The following TRPM7 variants were observed in gnomAD, a reference collection of about 807,000 sequenced individuals.
The protein encoded by TRPM7 is LTRPC ion channel family member 7.
In TRPM7, 134 loss-of-function variants were observed where a neutral mutation model predicts 229.7. The ratio of observed to expected loss-of-function variants is 0.58; its 90% confidence interval spans 0.51 to 0.67. The LOEUF is 0.67. TRPM7 is among the 30% of genes least tolerant of loss of function. The probability of loss-of-function intolerance (pLI) is 0.00; values close to 1 mark genes in which losing one functional copy is unlikely to be tolerated. For missense variants in TRPM7, 1,901 were observed against 2,210.0 expected, an observed-to-expected ratio of 0.86 and a Z score of 2.80; for synonymous variants, 699 against 715.2, an observed-to-expected ratio of 0.98 and a Z score of 0.36.
At chr15:50,568,476 A>G (rs2053718480) in intron 38 of TRPM7, among the ~76,000 whole-genome samples, 1 of 152,208 alleles carries the variant, frequency 6.6e-6, no homozygotes, top group Admixed American at 6.5e-5. Flanking sequence ...ACCAGCAATA[A>G]TAAAAAACAA....
chr15:50,609,100 G>A (rs1222473882), intron 19 of TRPM7, among the ~76,000 whole-genome samples: 2 of 152,046 alleles, frequency 1.3e-5, no homozygotes, highest in African/African-American at 2.4e-5. Context: ...AGGTAATCAA[G>A]CATACACTTT....
chr15:50,597,606 A>C (rs1196736145), intron 22 of TRPM7, among the ~76,000 whole-genome samples: 1 of 152,208 alleles, frequency 6.6e-6, no homozygotes, highest in African/African-American at 2.4e-5. Flanking sequence ...AATTAGAGTC[A>C]TATCATTAGA....
intron 7 of TRPM7, among the ~76,000 whole-genome samples, chr15:50,635,318 TAAAAAAAAAAAA>T (rs71124393): frequency 0.038 from 1,630 of 43,030 alleles, 57 homozygotes; most frequent in African/African-American, 0.15. Context: ...CTCCCTCACA[TAAAAAAAAAAAA>T]AAAAAAAAAA....
chr15:50,601,989 C>T (rs1316776353), intron 21 of TRPM7, among the ~76,000 whole-genome samples: 14 of 146,512 alleles, frequency 9.6e-5, no homozygotes, highest in Non-Finnish European at 1.6e-4. Flanking sequence ...ACTTTAAGTT[C>T]TAGGGTAAAG....
At chr15:50,582,030 T>G (rs1001475561) in intron 29 of TRPM7, among the ~76,000 whole-genome samples, 3 of 152,224 alleles carry the variant, frequency 2.0e-5, no homozygotes, top group African/African-American at 7.2e-5. Context: ...TGGCGCAATC[T>G]CGGCTCACTG....
At chr15:50,587,950 T>C (rs2059385235) in intron 27 of TRPM7, among the ~76,000 whole-genome samples, 1 of 152,184 alleles carries the variant, frequency 6.6e-6, no homozygotes, top group Admixed American at 6.5e-5. Flanking sequence ...TAGCACTTTT[T>C]CTCATTCCCG....
At chr15:50,585,668 T>C (rs2059323191) in intron 28 of TRPM7, among the ~76,000 whole-genome samples, 1 of 152,232 alleles carries the variant, frequency 6.6e-6, no homozygotes, top group African/African-American at 2.4e-5. Context: ...AATTTGGTCA[T>C]AATATGCATT....
chr15:50,638,553 A>T (rs1457265377), intron 6 of TRPM7, among the ~76,000 whole-genome samples: 1 of 152,028 alleles, frequency 6.6e-6, no homozygotes, highest in Non-Finnish European at 1.5e-5. Context: ...CCATTTCAAA[A>T]AAAAAAGACA....
chr15:50,659,124 G>A lies in TRPM7; in HGVS notation c.84-1305C>T, dbSNP rs140190035. On this transcript the variant is annotated intron_variant, in intron 2 of 38. Coordinates refer to ENST00000646667, the MANE Select transcript of TRPM7 (RefSeq NM_017672.6). The stretch of plus-strand genomic sequence containing the variant: ...GAGGAAAGAGAATGGCCTGAACCCA[G>A]GAGGCAGAGCTTGCAGTGAGACTAC... Among the ~76,000 whole-genome samples the A allele has an allele frequency of 7.2e-5, 11 of 152,132 alleles. No homozygotes were observed. The East Asian group carries it at 2.1e-3, about 29-fold the overall frequency.
At chr15:50,621,157 C>CAAAAAAAAAAAAAAAAAAAAAAA (rs35848629) in intron 12 of TRPM7, among the ~76,000 whole-genome samples, 1 of 51,828 alleles carries the variant, frequency 1.9e-5, no homozygotes, top group African/African-American at 6.2e-5. Flanking sequence ...GACTCCGTCT[C>CAAAAAAAAAAAAAAAAAAAAAAA]AAAAAAAAAA....
chr15:50,628,927 A>G lies in TRPM7; in HGVS notation c.1205-678T>C, dbSNP rs1269414716. Among the ~76,000 whole-genome samples, 7 of 152,152 alleles carry G rather than the reference A, an allele frequency of 4.6e-5. No homozygotes were observed. The East Asian group carries it at 1.3e-3, about 29-fold the overall frequency. On this transcript the variant is annotated intron_variant, in intron 10 of 38. Transcript: ENST00000646667. ...TATTCAAAAATGGGTTCATACTACA[A>G]AAGTGTTCAGTAGCTTGCTTTATGT... is the stretch of plus-strand genomic sequence containing the variant.
At chr15:50,684,300 C>T (rs913141726) in intron 1 of TRPM7, among the ~76,000 whole-genome samples, 2 of 151,790 alleles carry the variant, frequency 1.3e-5, no homozygotes, top group African/African-American at 4.8e-5. Flanking sequence ...TTACCACGCC[C>T]GATTACTGAT....
chr15:50,584,833 T>C (rs921712543), intron 28 of TRPM7, among the ~76,000 whole-genome samples: 8 of 152,036 alleles, frequency 5.3e-5, no homozygotes, highest in Non-Finnish European at 1.0e-4. Flanking sequence ...CTGAGAATTC[T>C]TTTTCTTCCC....
At chr15:50,679,580 G>C (rs534347524) in intron 1 of TRPM7, among the ~76,000 whole-genome samples, 8 of 126,842 alleles carry the variant, frequency 6.3e-5, no homozygotes, top group Non-Finnish European at 1.3e-4. Context: ...TTGTCACCCA[G>C]GCTGGGGTGC....
chr15:50,574,520 A>T, intron 35 of TRPM7, 41 bp from the exon 36 acceptor site: 1 of 1,570,424 alleles, frequency 6.4e-7, no homozygotes, highest in Non-Finnish European at 8.7e-7. Flanking sequence ...CAGTTTTGTT[A>T]ATAAAATTCT....
At chr15:50,603,407 G>A (rs952224909) in intron 21 of TRPM7, among the ~76,000 whole-genome samples, 2 of 151,712 alleles carry the variant, frequency 1.3e-5, no homozygotes, top group Non-Finnish European at 2.9e-5. Context: ...ATGTTGGTGT[G>A]CTGCACTCAT....
intron 31 of TRPM7, 100 bp from the exon 32 acceptor site, chr15:50,576,019 T>C (rs1402629978): frequency 1.6e-6 from 2 of 1,250,576 alleles, no homozygotes; most frequent in Admixed American, 2.2e-5. Flanking sequence ...ATTTCCATAG[T>C]GTAACTGTTC....
intron 1 of TRPM7, among the ~76,000 whole-genome samples, chr15:50,680,332 G>C (rs1033626652): frequency 6.6e-6 from 1 of 152,114 alleles, no homozygotes; most frequent in Non-Finnish European, 1.5e-5. Context: ...CTTGAGACCA[G>C]GAGTTCAAGG....
intron 1 of TRPM7, among the ~76,000 whole-genome samples, chr15:50,679,538 A>AATATATATATATATATATAT (rs2062195775): frequency 2.3e-5 from 1 of 43,904 alleles, no homozygotes; most frequent in African/African-American, 1.1e-4. Flanking sequence ...ATATATATAT[A>AATATATATATATATATATAT]TTTTTTTTTT....
Sources: allele counts gnomAD v4.1 joint callset (sites outside exome capture counted in the v4.1 genomes callset), GRCh38; gene constraint gnomAD v4.1.1; transcripts MANE v1.5; gene names NCBI Gene and HGNC (gene_info 2026-07-23, HGNC 2026-07-21).